Variants in C1QTNF3 observed in about 807,000 individuals in gnomAD.
C1QTNF3 encodes complement C1q tumor necrosis factor-related protein 3.
A neutral mutation model predicts 32.6 loss-of-function variants in C1QTNF3; 26 were observed. That is an observed-to-expected ratio of 0.80 (90% confidence interval 0.58 to 1.11). The LOEUF (loss-of-function observed/expected upper bound fraction) is 1.11. Ranked by LOEUF, C1QTNF3 falls within the 50% of genes least tolerant of loss-of-function variation. The pLI, the probability that C1QTNF3 is intolerant of heterozygous loss-of-function variation, is 0.00. For missense variants in C1QTNF3, 362 were observed against 398.2 expected (o/e 0.91, Z 0.77); for synonymous variants, 155 against 146.0 (o/e 1.06, Z -0.44).
the C1QTNF3 span, among the ~76,000 whole-genome samples, chr5:34,084,817 T>G: frequency 8.9e-6 from 1 of 112,684 alleles, no homozygotes; most frequent in Admixed American, 8.5e-5. Context: ...TTGTTTTTTT[T>G]CTGTGCAGAA....
chr5:34,134,063 G>A, the C1QTNF3 span, among the ~76,000 whole-genome samples: 1 of 152,084 alleles, frequency 6.6e-6, no homozygotes, highest in African/African-American at 2.4e-5. Context: ...GAAGCAAAAT[G>A]AGTGTTCCTC....
At chr5:34,046,200 C>G (rs1754983447), upstream of C1QTNF3, among the ~76,000 whole-genome samples, 1 of 152,218 alleles carries the variant, frequency 6.6e-6, no homozygotes, top group South Asian at 2.1e-4. Context: ...TGCTTTATAT[C>G]TGTGTTTGTC....
chr5:34,195,650 G>C, the C1QTNF3 span, among the ~76,000 whole-genome samples: 1 of 152,208 alleles, frequency 6.6e-6, no homozygotes, highest in South Asian at 2.1e-4. Context: ...GATCATCCTG[G>C]CTAACATGGT....
chr5:34,189,228 T>TA, the C1QTNF3 span, among the ~76,000 whole-genome samples: 1 of 134,562 alleles, frequency 7.4e-6, no homozygotes, highest in South Asian at 2.4e-4. Context: ...TCTTTTTTTT[T>TA]ATCTGGAGAC....
the C1QTNF3 span, among the ~76,000 whole-genome samples, chr5:34,119,818 T>A: frequency 6.6e-6 from 1 of 152,166 alleles, no homozygotes; most frequent in Admixed American, 6.5e-5. Flanking sequence ...ATTTTAGGGA[T>A]CCTTGTGATA....
chr5:34,157,599 A>AT, the C1QTNF3 span, among the ~76,000 whole-genome samples: 1 of 152,200 alleles, frequency 6.6e-6, no homozygotes, highest in African/African-American at 2.4e-5. Flanking sequence ...AAAAGCAGAG[A>AT]ATCATTCCTG....
At chr5:34,221,969 G>A in the C1QTNF3 span, among the ~76,000 whole-genome samples, 3 of 152,032 alleles carry the variant, frequency 2.0e-5, no homozygotes, top group Non-Finnish European at 4.4e-5. Context: ...GCTAAACACA[G>A]AGATGACATT....
chr5:34,081,619 T>C, the C1QTNF3 span, among the ~76,000 whole-genome samples: 1 of 150,958 alleles, frequency 6.6e-6, no homozygotes, highest in Non-Finnish European at 1.5e-5. Flanking sequence ...AATTAACAAA[T>C]GCCAATGGTA....
the C1QTNF3 span, among the ~76,000 whole-genome samples, chr5:34,231,910 G>A: frequency 1.4e-5 from 2 of 141,630 alleles, no homozygotes; most frequent in Admixed American, 1.4e-4. Context: ...CCCCAGAATG[G>A]TAGATCCACT....
intron 3 of C1QTNF3, among the ~76,000 whole-genome samples, chr5:34,030,546 A>G (rs771825642): frequency 6.6e-6 from 1 of 152,190 alleles, no homozygotes; most frequent in Admixed American, 6.5e-5. Flanking sequence ...TGCCACCTCT[A>G]TACTACTAAT....
chr5:34,111,179 A>C, the C1QTNF3 span, among the ~76,000 whole-genome samples: 2 of 152,118 alleles, frequency 1.3e-5, no homozygotes, highest in Non-Finnish European at 2.9e-5. Context: ...CTATAGATTC[A>C]CTTGTTGAGC....
the C1QTNF3 span, among the ~76,000 whole-genome samples, chr5:34,051,302 T>A: frequency 6.6e-6 from 1 of 152,224 alleles, no homozygotes; most frequent in East Asian, 1.9e-4. Context: ...TAATAAATTT[T>A]CTATTGTTTA....
the C1QTNF3 span, among the ~76,000 whole-genome samples, chr5:34,087,762 C>A: frequency 2.0e-5 from 3 of 151,986 alleles, no homozygotes; most frequent in Non-Finnish European, 4.4e-5. Context: ...TTATATATTT[C>A]TTTAGAGATG....
the C1QTNF3 span, among the ~76,000 whole-genome samples, chr5:34,088,727 G>T: frequency 1.3e-5 from 2 of 152,128 alleles, no homozygotes; most frequent in Non-Finnish European, 2.9e-5. Context: ...GCCAAGGCGG[G>T]TCTGGAACTC....
chr5:34,128,617 G>A, the C1QTNF3 span, among the ~76,000 whole-genome samples: 1 of 152,196 alleles, frequency 6.6e-6, no homozygotes, highest in Non-Finnish European at 1.5e-5. Flanking sequence ...GTGAGACATG[G>A]AGTCAAAGGA....
chr5:34,210,450 C>A, the C1QTNF3 span, among the ~76,000 whole-genome samples: 4 of 151,192 alleles, frequency 2.6e-5, no homozygotes, highest in Non-Finnish European at 5.9e-5. Flanking sequence ...CCTAAAATTA[C>A]TGTGTTGCTT....
the C1QTNF3 span, among the ~76,000 whole-genome samples, chr5:34,196,155 TG>T: frequency 2.0e-5 from 3 of 152,304 alleles, no homozygotes; most frequent in African/African-American, 7.2e-5. Flanking sequence ...TGTTTGCTTT[TG>T]TTTTTTTTGA....
At chr5:34,235,253 G>C in the C1QTNF3 span, among the ~76,000 whole-genome samples, 1 of 152,122 alleles carries the variant, frequency 6.6e-6, no homozygotes. Flanking sequence ...TCTGTCACTG[G>C]ATAATTCCAC....
the C1QTNF3 span, among the ~76,000 whole-genome samples, chr5:34,061,572 C>T: frequency 6.6e-6 from 1 of 152,172 alleles, no homozygotes; most frequent in African/African-American, 2.4e-5. Flanking sequence ...GTTCCCAAAC[C>T]CCAATTCTTG....
Sources: allele counts gnomAD v4.1 joint callset (sites outside exome capture counted in the v4.1 genomes callset), GRCh38; gene constraint gnomAD v4.1.1; transcripts MANE v1.5; gene names NCBI Gene and HGNC (gene_info 2026-07-23, HGNC 2026-07-21).